Variants in TRIOBP observed in about 807,000 individuals in gnomAD.
TRIOBP encodes TRIO and F-actin-binding protein.
TRIOBP carries 169 observed loss-of-function variants against 238.8 expected under a neutral mutation model. The observed-to-expected ratio is 0.71, with a 90% CI of 0.62 to 0.80. The LOEUF (loss-of-function observed/expected upper bound fraction) is 0.80, where lower values mean the gene tolerates loss of function less well. Among genes scored for constraint, TRIOBP ranks in the 30% least tolerant of loss-of-function variants. The pLI is 0.00. For missense variants in TRIOBP, 2,838 were observed against 3,122.6 expected, an observed-to-expected ratio of 0.91 and a Z score of 2.17; for synonymous variants, 1,150 against 1,274.4, an observed-to-expected ratio of 0.90 and a Z score of 2.08.
Position 37,742,577 on chromosome 22 carries a change from G to A in TRIOBP, c.5322+1545G>A, listed in dbSNP as rs544908767. On this transcript the variant is annotated intron_variant, in intron 11 of 23. Transcript: ENST00000644935. ...CCAGCTGAGCCCAGAATTTCCTTTC[G>A]CTGCTCTTTGTGGTTAAGGCACCGA... Among the ~76,000 whole-genome samples the A allele has an allele frequency of 4.6e-5, 7 of 152,184 alleles. No homozygotes were observed. The South Asian group carries it at 6.2e-4, about 14-fold the overall frequency.
rs573769610 is a variant in TRIOBP, at chr22:37,756,333, C to T, written c.5687+674C>T. On this transcript the variant is annotated intron_variant, in intron 15 of 23. Transcript: ENST00000644935. ...AAAATCAGCTGGCCGTGGTAGGGTGCGCCTGTCAGCTGAGGTGGGAGGATC... is the reference window on the plus strand; with the variant it reads ...AAAATCAGCTGGCCGTGGTAGGGTGTGCCTGTCAGCTGAGGTGGGAGGATC... Among the ~76,000 whole-genome samples the T allele has an allele frequency of 6.6e-5, 10 of 152,228 alleles. No individual in the cohort carries two copies. In the South Asian group the frequency reaches 1.2e-3, roughly 19 times the overall value.
At chr22:37,766,126 G>A (rs985714431) in intron 18 of TRIOBP, among the ~76,000 whole-genome samples, 3 of 152,198 alleles carry the variant, frequency 2.0e-5, no homozygotes, top group Admixed American at 2.0e-4. Flanking sequence ...ACCCACGTGC[G>A]TGGGGGAGAG....
At chr22:37,703,215 C>G (rs756144661) in intron 3 of TRIOBP, among the ~76,000 whole-genome samples, 2 of 151,936 alleles carry the variant, frequency 1.3e-5, no homozygotes, top group South Asian at 4.2e-4. Context: ...AGTCTGGTCT[C>G]GAACTCCTGA....
chr22:37,768,707 A>G (rs1160835337), intron 19 of TRIOBP, among the ~76,000 whole-genome samples: 1 of 152,130 alleles, frequency 6.6e-6, no homozygotes, highest in Non-Finnish European at 1.5e-5. Context: ...AGGCTGAGGC[A>G]GGAGAATCGC....
At chr22:37,701,908 A>G (rs1922670653) in intron 3 of TRIOBP, among the ~76,000 whole-genome samples, 1 of 152,242 alleles carries the variant, frequency 6.6e-6, no homozygotes, top group Non-Finnish European at 1.5e-5. Flanking sequence ...TGGGTGGATC[A>G]CCCGAGGTCG....
In TRIOBP at chr22:37,715,870, A is replaced by T. The variant is rs764924782; in HGVS notation, c.564A>T (p.Gln188His). The T allele has an allele frequency of 6.2e-7, 1 of 1,613,800 alleles. No homozygotes were observed. Among genetic ancestry groups the T allele is most frequent in the Non-Finnish European group, 8.5e-7 (1 of 1,179,918 alleles). The change falls in exon 6 of 24, where the codon CAA (glutamine) becomes CAT (histidine). Residue 188 changes from glutamine to histidine, a missense_variant. Around this residue, in one of 5 missense-constraint regions of TRIOBP, gnomAD observed 535 missense variants for 537.3 expected, o/e 1.00. Transcript: ENST00000644935. ...PREGPRADSS[Q>H]RAPSLLTRSP... ...AGGGGCCGAGAGCTGACAGCTCCCA[A>T]AGGGCTCCGTCTCTCCTCACCAGGT...
At chr22:37,717,077 C>T (rs1923560243) in intron 6 of TRIOBP, among the ~76,000 whole-genome samples, 1 of 152,170 alleles carries the variant, frequency 6.6e-6, no homozygotes, top group South Asian at 2.1e-4. Flanking sequence ...TTTGTTCCTT[C>T]TGATGTTCGG....
chr22:37,734,473 T>G lies in TRIOBP; in HGVS notation c.4137T>G (p.Pro1379=), dbSNP rs777033365. 1.9e-6 allele frequency: 3 copies of G among 1,612,666 alleles called. No homozygotes were observed. Among genetic ancestry groups the G allele is most frequent in the Non-Finnish European group, 2.5e-6 (3 of 1,179,708 alleles). Residue 1379 remains proline, a synonymous_variant, in exon 9 of 24, where the codon CCT becomes CCG. Coordinates refer to ENST00000644935, the MANE Select transcript of TRIOBP (RefSeq NM_001039141.3). ...SQAEPPHPWS[P]EKRPEGDRQL... is the part of the protein sequence containing the mutation. Reference sequence around the variant, plus strand: ...CAGAGCCCCCTCATCCTTGGAGTCCTGAGAAGAGACCTGAGGGAGATCGGC... The same window carrying G: ...CAGAGCCCCCTCATCCTTGGAGTCCGGAGAAGAGACCTGAGGGAGATCGGC...
At chr22:37,732,287 C>A (rs941726953) in intron 7 of TRIOBP, among the ~76,000 whole-genome samples, 1 of 152,116 alleles carries the variant, frequency 6.6e-6, no homozygotes, top group Admixed American at 6.6e-5. Flanking sequence ...AGACTTTTTA[C>A]ACAAGTTAGA....
At chr22:37,769,880 C>T (rs1926681140) in intron 21 of TRIOBP, among the ~76,000 whole-genome samples, 1 of 151,722 alleles carries the variant, frequency 6.6e-6, no homozygotes, top group Non-Finnish European at 1.5e-5. Flanking sequence ...AGGCCTGCAC[C>T]ACCACACCCA....
At chr22:37,745,793 T>A (rs1031595697) in intron 11 of TRIOBP, among the ~76,000 whole-genome samples, 1 of 152,202 alleles carries the variant, frequency 6.6e-6, no homozygotes, top group Non-Finnish European at 1.5e-5. Context: ...TCGTTAGTAC[T>A]GGGTGCTTTG....
intron 11 of TRIOBP, chr22:37,746,466 C>A (rs1334944266): frequency 7.3e-7 from 1 of 1,375,058 alleles, no homozygotes; most frequent in Non-Finnish European, 9.5e-7. Context: ...GGGAGAAGGG[C>A]GACGACCCGA....
chr22:37,710,521 G>A lies in TRIOBP; in HGVS notation c.209G>A (p.Gly70Asp). The stretch of plus-strand genomic sequence containing the variant: ...GACCCACTCAGCGCCTCAACCTCCG[G>A]CTGCCAGTCTGTGGTGGACCCAGGC... Reference protein sequence around the residue: ...PEDPLSASTSGCQSVVDPGLR... With the variant: ...PEDPLSASTSDCQSVVDPGLR... The change falls in exon 4 of 24, where the codon GGC becomes GAC. Residue 70 changes from glycine to aspartate, a missense_variant. This residue lies in a region of TRIOBP where 535 missense variants were observed against 537.3 expected (regional missense o/e 1.00). Transcript: ENST00000644935. 6.2e-7 allele frequency: 1 copy of A among 1,611,624 alleles called. No homozygotes were observed. Among genetic ancestry groups the A allele is most frequent in the Non-Finnish European group, 8.5e-7 (1 of 1,179,762 alleles).
intron 11 of TRIOBP, among the ~76,000 whole-genome samples, chr22:37,742,249 C>T (rs1202802226): frequency 1.4e-5 from 2 of 144,296 alleles, no homozygotes; most frequent in South Asian, 2.3e-4. Context: ...TGAGCCACCA[C>T]GCCAGGCGTT....
chr22:37,776,031 C>G lies in TRIOBP; in HGVS notation c.*2251C>G, dbSNP rs1002859112. On this transcript the variant is annotated 3_prime_UTR_variant, in exon 24 of 24. Transcript: ENST00000644935. ...TCTGCCGTCCATCCTCACCATCCCA[C>G]CGTCCCCCCAAGACAGCTCTCCATC... 8 of 152,436 alleles carry G rather than the reference C, an allele frequency of 5.2e-5. No homozygotes were observed. The highest frequency in any genetic ancestry group is 7.3e-5 in the Non-Finnish European group (5 of 68,198). The allele number at this position is 152,436 out of a possible 1,614,324, so 9.4% of individuals were successfully genotyped here. A position where few individuals can be genotyped will look rare whatever the true frequency, so the allele number is the denominator to read the frequency against.
In TRIOBP at chr22:37,715,877, C is replaced by T. The variant is rs752258764; in HGVS notation, c.571C>T (p.Pro191Ser). ...GPRADSSQRA[P>S]SLLTRSPVGG... ...GAGAGCTGACAGCTCCCAAAGGGCT[C>T]CGTCTCTCCTCACCAGGTCCCCTGT... The change falls in exon 6 of 24, where the codon CCG (proline) becomes TCG (serine). Residue 191 changes from proline (P) to serine (S), a missense_variant. Physicochemically the swap from Pro to Ser is moderately conservative, Grantham distance 74. Transcript: ENST00000644935. 7 of 1,613,624 alleles carry T rather than the reference C, an allele frequency of 4.3e-6. No individual in the cohort carries two copies. The highest frequency in any genetic ancestry group is 5.9e-6 in the Non-Finnish European group (7 of 1,179,926).
intron 17 of TRIOBP, 33 bp from the exon 18 acceptor site, chr22:37,765,637 G>T: frequency 1.3e-6 from 2 of 1,548,392 alleles, no homozygotes; most frequent in South Asian, 1.2e-5. Context: ...GAGGAACGGG[G>T]CAGCCTGTGA....
chr22:37,730,246 C>T (rs2145838836), intron 7 of TRIOBP, among the ~76,000 whole-genome samples: 1 of 152,274 alleles, frequency 6.6e-6, no homozygotes, highest in South Asian at 2.1e-4. Context: ...GCGGCCACAT[C>T]AACCCTCGGG....
chr22:37,708,208 T>C (rs2145816859), intron 3 of TRIOBP, among the ~76,000 whole-genome samples: 1 of 140,474 alleles, frequency 7.1e-6, no homozygotes, highest in Non-Finnish European at 1.5e-5. Flanking sequence ...ATCACGCCAC[T>C]GCACTCTAGC....
Sources: gnomAD v4.1 joint callset for allele counts (sites outside exome capture counted in the v4.1 genomes callset) on GRCh38, gnomAD v4.1.1 for gene constraint, gnomAD v4.1.1 regional missense constraint, MANE v1.5 for transcripts, NCBI Gene and HGNC (gene_info 2026-07-23, HGNC 2026-07-21) for gene names.